Variants in AFF3 observed in about 807,000 individuals in gnomAD.
The protein encoded by AFF3 is ALF transcription elongation factor 3.
AFF3 carries 32 observed loss-of-function variants against 129.7 expected under a neutral mutation model. That is an observed-to-expected ratio of 0.25 (90% CI 0.19 to 0.33). The LOEUF (loss-of-function observed/expected upper bound fraction) is 0.33, where lower values mean the gene tolerates loss of function less well. Ranked by LOEUF, AFF3 falls within the 10% of genes least tolerant of loss-of-function variation. The pLI, the probability that AFF3 is intolerant of heterozygous loss-of-function variation, is 1.00. For synonymous variants in AFF3, 644 were observed against 635.4 expected, an observed-to-expected ratio of 1.01 and a Z score of -0.20; for missense variants, 1,373 against 1,592.0, an observed-to-expected ratio of 0.86 and a Z score of 2.34.
chr2:100,103,588 C>T (rs543552164), intron 4 of AFF3, among the ~76,000 whole-genome samples: 6 of 151,696 alleles, frequency 4.0e-5, no homozygotes, highest in African/African-American at 1.5e-4. Context: ...TTAAGACACC[C>T]GCAACTGGAA....
intron 20 of AFF3, among the ~76,000 whole-genome samples, chr2:99,561,677 C>T (rs1420786189): frequency 6.6e-6 from 1 of 152,130 alleles, no homozygotes; most frequent in African/African-American, 2.4e-5. Flanking sequence ...TGTGCCTGGA[C>T]TGCTGGTATA....
intron 4 of AFF3, among the ~76,000 whole-genome samples, chr2:100,065,192 T>C (rs1185886892): frequency 3.9e-5 from 6 of 152,220 alleles, no homozygotes; most frequent in East Asian, 3.8e-4. Context: ...TTTTAACAAA[T>C]GGTATCAATG....
At position 99,563,481 on chromosome 2, in the gene AFF3, C is replaced by T. The variant is rs370474584; in HGVS notation, c.3119+2006G>A. Among the ~76,000 whole-genome samples the T allele has an allele frequency of 5.7e-4, 86 of 151,260 alleles. No homozygotes were observed. The South Asian group carries it at 0.015, about 27-fold the overall frequency. ...CTGGGATTACAGGCGTGAGCCACCG[C>T]GCCCAGAAAATTAATGCTATTTTCT... On this transcript the variant is annotated intron_variant, in intron 20 of 24. Transcript: ENST00000672756.
intron 7 of AFF3, among the ~76,000 whole-genome samples, chr2:99,966,416 C>T (rs1053572331): frequency 9.2e-5 from 14 of 152,116 alleles, no homozygotes; most frequent in Non-Finnish European, 1.8e-4. Flanking sequence ...AGAGGCCGGG[C>T]GCGGTGGCTC....
At chr2:99,864,603 T>C (rs1691240628) in intron 7 of AFF3, among the ~76,000 whole-genome samples, 1 of 152,164 alleles carries the variant, frequency 6.6e-6, no homozygotes, top group South Asian at 2.1e-4. Flanking sequence ...ACAACTGCTC[T>C]GAAAGACACC....
At chr2:100,072,390 G>A (rs1411236607) in intron 4 of AFF3, among the ~76,000 whole-genome samples, 1 of 152,104 alleles carries the variant, frequency 6.6e-6, no homozygotes, top group South Asian at 2.1e-4. Flanking sequence ...TCACCTCCTC[G>A]TCCATGGAAC....
At position 99,601,523 on chromosome 2, in the gene AFF3, G is replaced by T; in HGVS notation, c.1283C>A (p.Ser428Ter). ...CGAGTCAGATCCGGAGCTGCTCTCT[G>T]AGTCGCTGGAGGAGCTGCTGCTGCC... ...SSGSSSSSSD[S>*]ESSSGSDSET... is the part of the protein sequence containing the mutation. The change falls in exon 14 of 25, where the codon TCA becomes TAA. Residue 428 changes from serine (S) to a stop codon, truncating the protein, a stop_gained. Coordinates refer to ENST00000672756, the MANE Select transcript of AFF3 (RefSeq NM_001386135.1). LOFTEE classifies it high-confidence loss of function. 1 of 1,604,834 alleles carries T rather than the reference G, an allele frequency of 6.2e-7. No individual in the cohort carries two copies.
chr2:99,758,750 C>T (rs1682333120), intron 8 of AFF3, among the ~76,000 whole-genome samples: 1 of 152,000 alleles, frequency 6.6e-6, no homozygotes, highest in African/African-American at 2.4e-5. Flanking sequence ...CAACAATTGC[C>T]ATCTCCATAG....
chr2:100,006,907 G>C lies in AFF3; in HGVS notation c.598C>G (p.Pro200Ala). The stretch of plus-strand genomic sequence containing the variant: ...CTGCTGTGCTTGGCCGCCATGGCAG[G>C]TGGCCTCTCCTGGGTCTGAAGGCCC... ...EVGLQTQERP[P>A]AMAAKHSSSG... The change falls in exon 7 of 25, where the codon CCT becomes GCT. Residue 200 changes from proline to alanine, a missense_variant. Coordinates refer to ENST00000672756, the MANE Select transcript of AFF3 (RefSeq NM_001386135.1). 1 of 1,614,166 alleles carries C rather than the reference G, an allele frequency of 6.2e-7. No individual in the cohort carries two copies. Among genetic ancestry groups the C allele is most frequent in the East Asian group, 2.2e-5 (1 of 44,872 alleles).
At chr2:100,122,670 G>A (rs2105561479) in intron 2 of AFF3, among the ~76,000 whole-genome samples, 1 of 152,328 alleles carries the variant, frequency 6.6e-6, no homozygotes, top group South Asian at 2.1e-4. Flanking sequence ...CTCTAGAGAA[G>A]AGAGGAAAGC....
At chr2:100,063,488 A>G (rs751445138) in intron 4 of AFF3, among the ~76,000 whole-genome samples, 10 of 152,176 alleles carry the variant, frequency 6.6e-5, no homozygotes, top group Non-Finnish European at 1.5e-4. Context: ...GATTATTGAA[A>G]TAAAAAAATT....
chr2:99,943,434 T>C (rs1362611229), intron 7 of AFF3, among the ~76,000 whole-genome samples: 6 of 152,214 alleles, frequency 3.9e-5, no homozygotes, highest in Admixed American at 3.9e-4. Context: ...AATGCACTAG[T>C]CACAGAATCA....
chr2:99,650,376 T>C (rs566358991), intron 12 of AFF3, among the ~76,000 whole-genome samples: 1 of 151,178 alleles, frequency 6.6e-6, no homozygotes, highest in South Asian at 2.1e-4. Context: ...CTGGCCAACA[T>C]GGTGAAATCC....
rs536085901 is a variant in AFF3, at chr2:100,142,185, A to G, written c.-228+299T>C. ...GTGTGAGCATGTTCACACTCAGGTT[A>G]TGTCTTCTTTATGTGCACCCTCTAC... On this transcript the variant is annotated intron_variant, in intron 1 of 24. Coordinates refer to ENST00000672756, the MANE Select transcript of AFF3 (RefSeq NM_001386135.1). Among the ~76,000 whole-genome samples, 3 of 151,898 alleles carry G rather than the reference A, an allele frequency of 2.0e-5. No homozygotes were observed. The East Asian group carries it at 5.8e-4, about 29-fold the overall frequency.
In AFF3 at chr2:99,808,999, T is replaced by C. The variant is rs188470596; in HGVS notation, c.921+28478A>G. Among the ~76,000 whole-genome samples, 4 of 152,348 alleles carry C rather than the reference T, an allele frequency of 2.6e-5. No individual in the cohort carries two copies. In the East Asian group the frequency reaches 7.7e-4, roughly 29 times the overall value. ...TTTGCAAGCACAGGAGTTCGTTCCC[T>C]GGGCAGGAGAATTTAACAGGTAGCA... is the stretch of plus-strand genomic sequence containing the variant. On this transcript the variant is annotated intron_variant, in intron 8 of 24. Transcript: ENST00000672756.
At chr2:99,655,757 C>T (rs533681309) in intron 12 of AFF3, among the ~76,000 whole-genome samples, 9 of 152,018 alleles carry the variant, frequency 5.9e-5, no homozygotes, top group Admixed American at 2.0e-4. Flanking sequence ...AAAAATAGTA[C>T]GGAGGGAGGC....
At chr2:99,654,636 C>T (rs1685580841) in intron 12 of AFF3, among the ~76,000 whole-genome samples, 1 of 152,152 alleles carries the variant, frequency 6.6e-6, no homozygotes, top group South Asian at 2.1e-4. Flanking sequence ...TTGCGACTTG[C>T]CTTTTATTCA....
At chr2:99,929,412 A>G (rs1696512903) in intron 7 of AFF3, among the ~76,000 whole-genome samples, 1 of 152,252 alleles carries the variant, frequency 6.6e-6, no homozygotes, top group Non-Finnish European at 1.5e-5. Context: ...ATCAAAATTC[A>G]TAAAATTAAT....
At chr2:100,016,737 TTGG>T (rs1202045544) in intron 4 of AFF3, among the ~76,000 whole-genome samples, 1 of 139,308 alleles carries the variant, frequency 7.2e-6, no homozygotes, top group Non-Finnish European at 1.6e-5. Flanking sequence ...GGTGATAGTA[TTGG>T]TGGTGAACAT....
Sources: allele counts gnomAD v4.1 joint callset (sites outside exome capture counted in the v4.1 genomes callset), GRCh38; gene constraint gnomAD v4.1.1; transcripts MANE v1.5; gene names NCBI Gene and HGNC (gene_info 2026-07-23, HGNC 2026-07-21).